CERS6: variants seen among roughly 807,000 people sequenced by gnomAD.
CERS6 encodes the protein ceramide synthase 6.
A neutral mutation model predicts 56.8 loss-of-function variants in CERS6; 26 were observed. The observed-to-expected ratio is 0.46, with a 90% CI of 0.34 to 0.63. CERS6 has a LOEUF of 0.63. Among genes scored for constraint, CERS6 ranks in the 30% least tolerant of loss-of-function variants. The pLI is 0.01. For missense variants in CERS6, 415 were observed against 467.5 expected (o/e 0.89, Z 1.04); for synonymous variants, 164 against 173.3 (o/e 0.95, Z 0.42).
intron 4 of CERS6, among the ~76,000 whole-genome samples, chr2:168,631,267 A>G (rs1389983676): frequency 6.7e-6 from 1 of 150,320 alleles, no homozygotes; most frequent in Non-Finnish European, 1.5e-5. Context: ...TAGGAAGCTT[A>G]TAAAATCCAT....
chr2:168,459,837 A>G (rs1693747058), intron 1 of CERS6, among the ~76,000 whole-genome samples: 1 of 152,178 alleles, frequency 6.6e-6, no homozygotes, highest in African/African-American at 2.4e-5. Flanking sequence ...TTCCAACTTC[A>G]CTTTTTCAAA....
At chr2:168,569,858 G>A (rs1037325366) in intron 3 of CERS6, among the ~76,000 whole-genome samples, 7 of 152,166 alleles carry the variant, frequency 4.6e-5, no homozygotes, top group African/African-American at 7.2e-5. Flanking sequence ...CTGCTTCATA[G>A]GGTTGTTGTG....
intron 2 of CERS6, among the ~76,000 whole-genome samples, chr2:168,559,916 G>C (rs926517864): frequency 6.6e-6 from 1 of 151,556 alleles, no homozygotes; most frequent in Non-Finnish European, 1.5e-5. Context: ...ACGTGGCTTA[G>C]TTTTGTTGGG....
At chr2:168,719,875 TTTTTA>T (rs1218581445) in intron 8 of CERS6, among the ~76,000 whole-genome samples, 1 of 152,208 alleles carries the variant, frequency 6.6e-6, no homozygotes, top group Non-Finnish European at 1.5e-5. Flanking sequence ...GGTTCTTTTT[TTTTTA>T]AAAGATGAAA....
At chr2:168,610,422 G>A (rs1265948927) in intron 3 of CERS6, among the ~76,000 whole-genome samples, 6 of 152,194 alleles carry the variant, frequency 3.9e-5, no homozygotes, top group Admixed American at 6.5e-5. Context: ...GCACCTAGTA[G>A]TATGTCTTGG....
intron 3 of CERS6, among the ~76,000 whole-genome samples, chr2:168,603,274 TC>T (rs1252498398): frequency 6.6e-6 from 1 of 152,192 alleles, no homozygotes; most frequent in African/African-American, 2.4e-5. Context: ...CATTTCCCTT[TC>T]CAGCAGCCCC....
chr2:168,515,095 T>G (rs183898302), intron 1 of CERS6, among the ~76,000 whole-genome samples: 1 of 152,320 alleles, frequency 6.6e-6, no homozygotes, highest in East Asian at 1.9e-4. Flanking sequence ...AAAATGAGAT[T>G]TTAGTATTTT....
intron 4 of CERS6, among the ~76,000 whole-genome samples, chr2:168,676,919 A>G (rs192534103): frequency 4.0e-5 from 6 of 151,610 alleles, no homozygotes; most frequent in Admixed American, 3.9e-4. Context: ...GACAGTGTCC[A>G]TGAGTAGAGT....
Position 168,456,303 on chromosome 2 carries a change from C to A in CERS6, c.-146C>A, listed in dbSNP as rs1466250884. The A allele has an allele frequency of 9.8e-6, 3 of 306,562 alleles. No individual in the cohort carries two copies. The highest frequency in any genetic ancestry group is 1.6e-5 in the Non-Finnish European group (3 of 192,936). 19.0% of individuals were successfully genotyped at this position (306,562 alleles called of 1,614,324 possible). A position where few individuals can be genotyped will look rare whatever the true frequency, so the allele number is the denominator to read the frequency against. ...CGCCGCGAGCCTTCGAGAGCAGCGG[C>A]CGCGGAGGAGGCGGCGGCGGCGGGC... On this transcript the variant is annotated 5_prime_UTR_variant, in exon 1 of 10. Coordinates refer to ENST00000305747, the MANE Select transcript of CERS6 (RefSeq NM_203463.3). This position sits in a 1 kb window ranked among gnomAD's most constrained non-coding sequence, Gnocchi z 4.1.
intron 1 of CERS6, among the ~76,000 whole-genome samples, chr2:168,501,958 A>G (rs1694588400): frequency 6.6e-6 from 1 of 152,180 alleles, no homozygotes; most frequent in Non-Finnish European, 1.5e-5. Flanking sequence ...GCAAGCACAT[A>G]TTTGTTTTCA....
At chr2:168,531,692 G>A (rs947861051) in intron 1 of CERS6, among the ~76,000 whole-genome samples, 5 of 152,086 alleles carry the variant, frequency 3.3e-5, no homozygotes, top group African/African-American at 1.2e-4. Context: ...GTGGTGGCAG[G>A]TGCCTATACT....
chr2:168,672,554 G>A lies in CERS6; in HGVS notation c.466-18480G>A, dbSNP rs1350482482. ...TGTTCTACTTCATAGATATAGGTTG[G>A]TCAGTGGTAGACTGTGGCTACTTGG... On this transcript the variant is annotated intron_variant, in intron 4 of 9. Transcript: ENST00000305747. 3.3e-5 allele frequency among the ~76,000 whole-genome samples: 5 copies of A among 152,186 alleles called. No homozygotes were observed. In the South Asian group the frequency reaches 6.2e-4, roughly 19 times the overall value.
intron 8 of CERS6, among the ~76,000 whole-genome samples, chr2:168,737,486 A>T (rs1683752650): frequency 6.6e-6 from 1 of 152,178 alleles, no homozygotes; most frequent in Non-Finnish European, 1.5e-5. Flanking sequence ...ATTAGGGGTG[A>T]TGTGAAATTA....
At chr2:168,641,152 A>T (rs1371111503) in intron 4 of CERS6, among the ~76,000 whole-genome samples, 3 of 152,286 alleles carry the variant, frequency 2.0e-5, no homozygotes, top group Non-Finnish European at 4.4e-5. Flanking sequence ...CACAGACGAC[A>T]TGATTGCTCA....
intron 1 of CERS6, among the ~76,000 whole-genome samples, chr2:168,463,516 G>A (rs10209556): frequency 0.99 from 150,065 of 152,328 alleles, 73,957 homozygotes; most frequent in East Asian, 1. Flanking sequence ...AAGGATAAAT[G>A]TTTTAGTGTT....
chr2:168,677,040 T>C (rs1686080645), intron 4 of CERS6, among the ~76,000 whole-genome samples: 1 of 150,658 alleles, frequency 6.6e-6, no homozygotes, highest in African/African-American at 2.4e-5. Flanking sequence ...TTAATTATAC[T>C]TTAAGTTCTG....
At chr2:168,576,273 T>A (rs1295978964) in intron 3 of CERS6, among the ~76,000 whole-genome samples, 1 of 152,180 alleles carries the variant, frequency 6.6e-6, no homozygotes, top group Admixed American at 6.5e-5. Context: ...TAACATTTCT[T>A]TTTTATCTGC....
intron 1 of CERS6, among the ~76,000 whole-genome samples, chr2:168,485,398 G>C (rs6734158): frequency 2.6e-5 from 4 of 151,918 alleles, no homozygotes; most frequent in Non-Finnish European, 4.4e-5. Context: ...TGTGTTGTAC[G>C]TTCCATGAGT....
At chr2:168,689,455 A>T (rs1415486108) in intron 4 of CERS6, among the ~76,000 whole-genome samples, 7 of 152,150 alleles carry the variant, frequency 4.6e-5, no homozygotes, top group African/African-American at 1.4e-4. Context: ...TGGTGATGAA[A>T]ATTTAAATTA....
Sources: gnomAD v4.1 joint callset for allele counts (sites outside exome capture counted in the v4.1 genomes callset) on GRCh38, gnomAD v4.1.1 for gene constraint, Gnocchi (gnomAD v3.1) non-coding constraint, MANE v1.5 for transcripts, NCBI Gene and HGNC (gene_info 2026-07-23, HGNC 2026-07-21) for gene names.